FREM1: variants seen among roughly 807,000 people sequenced by gnomAD.
FREM1 encodes the protein FRAS1-related extracellular matrix protein 1.
In FREM1, 220 loss-of-function variants were observed where a neutral mutation model predicts 210.1. The ratio of observed to expected loss-of-function variants is 1.05; its 90% CI spans 0.94 to 1.17. The LOEUF is 1.17. Among genes scored for constraint, FREM1 ranks in the 50% most tolerant of loss-of-function variants. FREM1 has a pLI of 0.00. For synonymous variants in FREM1, 1,189 were observed against 980.2 expected, an observed-to-expected ratio of 1.21 and a Z score of -3.98; for missense variants, 3,454 against 2,675.5, an observed-to-expected ratio of 1.29 and a Z score of -6.42.
At chr9:14,772,981 C>T (rs1847860705) in intron 25 of FREM1, among the ~76,000 whole-genome samples, 1 of 152,168 alleles carries the variant, frequency 6.6e-6, no homozygotes, top group Admixed American at 6.5e-5. Flanking sequence ...GCAACACGGT[C>T]CCGTCATGTC....
chr9:14,789,578 G>T (rs1034977648), intron 22 of FREM1, among the ~76,000 whole-genome samples: 1 of 152,014 alleles, frequency 6.6e-6, no homozygotes, highest in Non-Finnish European at 1.5e-5. Flanking sequence ...GAAGTAGACA[G>T]AACAAAAATA....
At chr9:14,842,895 C>T (rs1364211296) in intron 8 of FREM1, among the ~76,000 whole-genome samples, 1 of 152,178 alleles carries the variant, frequency 6.6e-6, no homozygotes, top group Non-Finnish European at 1.5e-5. Flanking sequence ...TTATGAAACT[C>T]ATCTATAAAA....
intron 11 of FREM1, 40 bp from the exon 12 acceptor site, chr9:14,824,155 G>T: frequency 1.5e-6 from 2 of 1,315,160 alleles, no homozygotes; most frequent in Non-Finnish European, 1.1e-6. Flanking sequence ...CTCATTTTTA[G>T]GTAAGAAAAA....
chr9:14,827,165 G>A (rs1368820046), intron 10 of FREM1, among the ~76,000 whole-genome samples: 2 of 57,384 alleles, frequency 3.5e-5, no homozygotes, highest in African/African-American at 1.0e-4. Flanking sequence ...CAGAAGAGGT[G>A]TGCTCTAGAC....
chr9:14,899,350 A>G (rs1205201054), intron 1 of FREM1, among the ~76,000 whole-genome samples: 1 of 152,210 alleles, frequency 6.6e-6, no homozygotes, highest in Non-Finnish European at 1.5e-5. Flanking sequence ...CATTAAGAAA[A>G]GCCAAACTTG....
At chr9:14,773,229 G>A (rs1355212223) in intron 25 of FREM1, among the ~76,000 whole-genome samples, 1 of 152,202 alleles carries the variant, frequency 6.6e-6, no homozygotes, top group Admixed American at 6.5e-5. Context: ...GGTTGCATCA[G>A]TTGCAATAAT....
intron 5 of FREM1, among the ~76,000 whole-genome samples, chr9:14,853,476 T>A (rs995240327): frequency 6.6e-6 from 1 of 152,176 alleles, no homozygotes; most frequent in African/African-American, 2.4e-5. Context: ...GATAGATCAA[T>A]GAATGGGACT....
intron 3 of FREM1, among the ~76,000 whole-genome samples, chr9:14,860,740 CAT>C (rs1276767331): frequency 2.2e-4 from 29 of 132,198 alleles, no homozygotes; most frequent in African/African-American, 6.4e-4. Context: ...CATATATACA[CAT>C]ATATATGCAC....
intron 10 of FREM1, among the ~76,000 whole-genome samples, chr9:14,830,096 T>A (rs954218012): frequency 1.3e-5 from 2 of 152,180 alleles, no homozygotes; most frequent in Non-Finnish European, 2.9e-5. Flanking sequence ...GTGTAAGTAG[T>A]TCCTGGGGGT....
chr9:14,759,665 T>A (rs1382903024), intron 28 of FREM1, 107 bp downstream of exon 28: 2 of 1,090,920 alleles, frequency 1.8e-6, no homozygotes, highest in African/African-American at 3.1e-5. Flanking sequence ...CTCCCTGCAA[T>A]TTGAAATTTC....
chr9:14,773,596 C>A (rs1020982495), intron 25 of FREM1, among the ~76,000 whole-genome samples: 1 of 132,482 alleles, frequency 7.5e-6, no homozygotes, highest in Non-Finnish European at 1.6e-5. Flanking sequence ...GGGGTTTTTA[C>A]ACGTAATGAT....
chr9:14,849,572 C>A (rs887721747), intron 6 of FREM1, among the ~76,000 whole-genome samples: 2 of 152,188 alleles, frequency 1.3e-5, no homozygotes, highest in Admixed American at 6.5e-5. Context: ...GATAAATAAT[C>A]AAACAGCACT....
chr9:14,752,845 C>T (rs1484486638), intron 29 of FREM1, among the ~76,000 whole-genome samples: 2 of 151,606 alleles, frequency 1.3e-5, no homozygotes, highest in Non-Finnish European at 2.9e-5. Flanking sequence ...AATTATAGTA[C>T]CCCCCAAACA....
At chr9:14,770,226 A>G (rs1378387822) in intron 26 of FREM1, among the ~76,000 whole-genome samples, 1 of 152,172 alleles carries the variant, frequency 6.6e-6, no homozygotes, top group Non-Finnish European at 1.5e-5. Flanking sequence ...ATCCATTAGG[A>G]AAAAAACCAA....
chr9:14,822,582 G>T (rs1396697521), intron 13 of FREM1, among the ~76,000 whole-genome samples: 1 of 152,128 alleles, frequency 6.6e-6, no homozygotes, highest in Non-Finnish European at 1.5e-5. Context: ...AGGGGAACCG[G>T]GTAGGTATGG....
chr9:14,873,138 G>A (rs1588512314), intron 1 of FREM1, among the ~76,000 whole-genome samples: 2 of 152,118 alleles, frequency 1.3e-5, no homozygotes, highest in African/African-American at 4.8e-5. Context: ...CTCTTTTTTG[G>A]TTGTGTCTCT....
intron 10 of FREM1, among the ~76,000 whole-genome samples, chr9:14,830,506 AC>A (rs1588230344): frequency 1.3e-5 from 2 of 152,238 alleles, no homozygotes; most frequent in East Asian, 3.9e-4. Flanking sequence ...TTAAAATGGG[AC>A]TTTTCTCACC....
At chr9:14,887,619 T>C (rs1836045506) in intron 1 of FREM1, among the ~76,000 whole-genome samples, 1 of 152,162 alleles carries the variant, frequency 6.6e-6, no homozygotes, top group Admixed American at 6.5e-5. Flanking sequence ...AGAAAGAGCC[T>C]GTGACTTCTA....
intron 3 of FREM1, among the ~76,000 whole-genome samples, chr9:14,860,028 T>C (rs879456254): frequency 1.4e-4 from 21 of 152,262 alleles, no homozygotes; most frequent in Admixed American, 1.4e-3. Flanking sequence ...TCTCAGGTTG[T>C]TTGAAGAGTC....
Sources: gnomAD v4.1 joint callset for allele counts (sites outside exome capture counted in the v4.1 genomes callset) on GRCh38, gnomAD v4.1.1 for gene constraint, MANE v1.5 for transcripts, NCBI Gene and HGNC (gene_info 2026-07-23, HGNC 2026-07-21) for gene names.